Variants in RAPH1 observed in about 807,000 individuals in gnomAD.
RAPH1 encodes the protein Ras association (RalGDS/AF-6) and pleckstrin homology domains 1.
A neutral mutation model predicts 88.1 loss-of-function variants in RAPH1; 18 were observed. The observed-to-expected ratio is 0.20, with a 90% CI of 0.14 to 0.30. The LOEUF is 0.30. RAPH1 is among the 10% of genes least tolerant of loss of function. The pLI is 1.00. For synonymous variants in RAPH1, 587 were observed against 559.0 expected (o/e 1.05, Z -0.71); for missense variants, 1,448 against 1,543.2 (o/e 0.94, Z 1.03).
chr2:203,515,802 GAA>G (rs1272116601), intron 1 of RAPH1, among the ~76,000 whole-genome samples: 3 of 152,198 alleles, frequency 2.0e-5, no homozygotes, highest in Non-Finnish European at 2.9e-5. Context: ...AAGTGAAGGA[GAA>G]ATACTTTCTC....
chr2:203,462,958 TGGAGGCTGG>T (rs2098525335), intron 4 of RAPH1, among the ~76,000 whole-genome samples: 1 of 152,042 alleles, frequency 6.6e-6, no homozygotes, highest in South Asian at 2.1e-4. Flanking sequence ...CCTGGCACTT[TGGAGGCTGG>T]GGAGGGCAGA....
chr2:203,512,933 C>T (rs1439158352), intron 1 of RAPH1, among the ~76,000 whole-genome samples: 1 of 152,088 alleles, frequency 6.6e-6, no homozygotes, highest in African/African-American at 2.4e-5. Context: ...CATCCCTTAA[C>T]ATTTTAACAC....
chr2:203,456,737 G>A (rs2098519873), intron 8 of RAPH1, among the ~76,000 whole-genome samples: 1 of 152,050 alleles, frequency 6.6e-6, no homozygotes. Context: ...GTAAGTAAGG[G>A]TTTATTCAGG....
At chr2:203,481,039 T>C (rs1285023470) in intron 4 of RAPH1, among the ~76,000 whole-genome samples, 2 of 152,326 alleles carry the variant, frequency 1.3e-5, no homozygotes, top group Non-Finnish European at 2.9e-5. Context: ...TATTTAAGCT[T>C]TATTTAGTTT....
intron 7 of RAPH1, among the ~76,000 whole-genome samples, chr2:203,459,664 C>T (rs899580408): frequency 9.9e-5 from 15 of 152,116 alleles, no homozygotes; most frequent in Admixed American, 5.9e-4. Context: ...GCTTCCAAAA[C>T]GGCTCACCCC....
chr2:203,502,151 G>A (rs1409511884), intron 1 of RAPH1, among the ~76,000 whole-genome samples: 3 of 152,196 alleles, frequency 2.0e-5, no homozygotes, highest in Non-Finnish European at 4.4e-5. Flanking sequence ...CTAGCTACCA[G>A]GGAACTTGCA....
chr2:203,500,314 G>A (rs755229987), intron 1 of RAPH1, among the ~76,000 whole-genome samples: 15 of 152,190 alleles, frequency 9.9e-5, no homozygotes, highest in Admixed American at 6.5e-4. Context: ...GTTTTAGGCA[G>A]AGGAACCAAC....
At chr2:203,454,590 G>T in intron 9 of RAPH1, 50 bp from the exon 10 acceptor site, 2 of 1,321,490 alleles carry the variant, frequency 1.5e-6, no homozygotes, top group Non-Finnish European at 2.1e-6. Flanking sequence ...GCACAAACAA[G>T]CAAATATACC....
chr2:203,440,353 G>A lies in RAPH1; in HGVS notation c.2837C>T (p.Ala946Val). 1 of 1,609,314 alleles carries A rather than the reference G, an allele frequency of 6.2e-7. No individual in the cohort carries two copies. Among genetic ancestry groups the A allele is most frequent in the Non-Finnish European group, 8.5e-7 (1 of 1,177,048 alleles). ...TCCACTTTTGTCAGGGGTAGGAGAA[G>A]CTGTGGGTGGAGGTGGTGGTGGTGG... is the stretch of plus-strand genomic sequence containing the variant. Reference protein sequence around the residue: ...PAPPPPPPPTASPTPDKSGSP... With the variant: ...PAPPPPPPPTVSPTPDKSGSP... Residue 946 changes from alanine to valine, a missense_variant, in exon 14 of 14, where the codon GCT becomes GTT. Physicochemically the swap from Ala to Val is moderately conservative, Grantham distance 64 (BLOSUM62 0). Around this residue, in one of 2 missense-constraint regions of RAPH1, gnomAD observed 935 missense variants for 890.1 expected, o/e 1.05. Transcript: ENST00000319170.
intron 2 of RAPH1, 86 bp from the exon 3 acceptor site, chr2:203,491,405 A>C: frequency 1.2e-6 from 1 of 817,426 alleles, no homozygotes; most frequent in South Asian, 1.9e-5. Context: ...TGATTAAGTG[A>C]ACTGCCACAC....
At chr2:203,455,297 A>G (rs1431004283) in intron 9 of RAPH1, 140 bp downstream of exon 9, 1 of 725,406 alleles carries the variant, frequency 1.4e-6, no homozygotes, top group East Asian at 2.9e-5. Context: ...TTTATAATAG[A>G]TTAATAAACA....
chr2:203,500,056 G>C (rs1230209348), intron 1 of RAPH1, among the ~76,000 whole-genome samples: 1 of 152,160 alleles, frequency 6.6e-6, no homozygotes. Context: ...GAGAAGCTTT[G>C]ATTTCATTGA....
At chr2:203,451,667 AT>A (rs901176300) in intron 10 of RAPH1, among the ~76,000 whole-genome samples, 5 of 152,202 alleles carry the variant, frequency 3.3e-5, no homozygotes, top group African/African-American at 1.2e-4. Flanking sequence ...ATGAATACCT[AT>A]TAAGAAAGAA....
At chr2:203,522,955 G>A (rs1203051743) in intron 1 of RAPH1, among the ~76,000 whole-genome samples, 7 of 148,954 alleles carry the variant, frequency 4.7e-5, no homozygotes, top group African/African-American at 1.7e-4. Context: ...GGGGAGGAAT[G>A]AATTTTACCT....
At chr2:203,444,433 A>AG (rs2098507463) in intron 13 of RAPH1, 1 of 154,970 alleles carries the variant, frequency 6.5e-6, no homozygotes, top group African/African-American at 2.4e-5. Flanking sequence ...TCTGTCAAAA[A>AG]AAAAAAAAAA....
chr2:203,507,050 C>T (rs922382105), intron 1 of RAPH1, among the ~76,000 whole-genome samples: 2 of 150,182 alleles, frequency 1.3e-5, no homozygotes, highest in Non-Finnish European at 3.0e-5. Context: ...GCGCCTGCCA[C>T]CACACCCGGC....
At chr2:203,529,574 G>A (rs1191306289) in intron 1 of RAPH1, among the ~76,000 whole-genome samples, 1 of 152,024 alleles carries the variant, frequency 6.6e-6, no homozygotes, top group African/African-American at 2.4e-5. Context: ...TGTTGGTCAG[G>A]CTGGTGTCAA....
At chr2:203,496,175 A>G (rs1191387924) in intron 1 of RAPH1, among the ~76,000 whole-genome samples, 1 of 152,194 alleles carries the variant, frequency 6.6e-6, no homozygotes, top group Admixed American at 6.5e-5. Flanking sequence ...CCTGGCCAAC[A>G]TGGCAAAACC....
At chr2:203,493,388 G>T (rs1688361197) in intron 2 of RAPH1, among the ~76,000 whole-genome samples, 1 of 152,056 alleles carries the variant, frequency 6.6e-6, no homozygotes. Flanking sequence ...CCCAAGCATG[G>T]ACAATAAAAC....
Sources: gnomAD v4.1 joint callset for allele counts (sites outside exome capture counted in the v4.1 genomes callset) on GRCh38, gnomAD v4.1.1 for gene constraint, gnomAD v4.1.1 regional missense constraint, MANE v1.5 for transcripts, NCBI Gene and HGNC (gene_info 2026-07-23, HGNC 2026-07-21) for gene names.